OXNAD1: variants seen among roughly 807,000 people sequenced by gnomAD.
The protein encoded by OXNAD1 is oxidoreductase NAD-binding domain-containing protein 1.
In OXNAD1, 34 loss-of-function variants were observed where a neutral mutation model predicts 32.9. The ratio of observed to expected loss-of-function variants is 1.03; its 90% CI spans 0.79 to 1.38. OXNAD1 has a LOEUF of 1.38. Ranked by LOEUF, OXNAD1 falls within the 40% of genes most tolerant of loss-of-function variation. The pLI, the probability that OXNAD1 is intolerant of heterozygous loss-of-function variation, is 0.00. For synonymous variants in OXNAD1, 134 were observed against 135.2 expected, an observed-to-expected ratio of 0.99 and a Z score of 0.06; for missense variants, 407 against 379.4, an observed-to-expected ratio of 1.07 and a Z score of -0.60.
chr3:16,267,604 C>G (rs1387123992), intron 1 of OXNAD1, among the ~76,000 whole-genome samples: 2 of 152,190 alleles, frequency 1.3e-5, no homozygotes, highest in Admixed American at 6.5e-5. Context: ...TCATTCAGAT[C>G]TCAGCCAAGG....
In OXNAD1 at chr3:16,287,650, C is replaced by G. The variant is rs548954145; in HGVS notation, c.290+1202C>G. ...AAGCACTGTCTCCGTGCCTTCAACT[C>G]TGAATCCTGCCAAGACTCAGACCCA... is the stretch of plus-strand genomic sequence containing the variant. On this transcript the variant is annotated intron_variant, in intron 5 of 8. Coordinates refer to ENST00000285083, the MANE Select transcript of OXNAD1 (RefSeq NM_138381.5). The surrounding 1 kb of genome is among the most constrained non-coding windows in gnomAD (Gnocchi z 4.8). Among the ~76,000 whole-genome samples the G allele has an allele frequency of 7.9e-5, 12 of 152,340 alleles. No individual in the cohort carries two copies. The East Asian group carries it at 2.3e-3, about 29-fold the overall frequency.
intron 4 of OXNAD1, among the ~76,000 whole-genome samples, chr3:16,274,184 A>C (rs1321041015): frequency 7.1e-5 from 10 of 141,432 alleles, no homozygotes; most frequent in Non-Finnish European, 1.4e-4. Flanking sequence ...AAAAAAAAAA[A>C]CAAAAGATAT....
In OXNAD1 at chr3:16,305,180, G is replaced by A. The variant is rs2067463754; in HGVS notation, c.*1618G>A. ...TTATCAAGGGGCACGTCTACTAACT[G>A]GTGAAGGCAGTCTGCGGGGGAGGAC... On this transcript the variant is annotated 3_prime_UTR_variant, in exon 9 of 9. Coordinates refer to ENST00000285083, the MANE Select transcript of OXNAD1 (RefSeq NM_138381.5). This position sits in a 1 kb window ranked among gnomAD's most constrained non-coding sequence, Gnocchi z 4.5. 1 of 152,354 alleles carries A rather than the reference G, an allele frequency of 6.6e-6. No individual in the cohort carries two copies. Among genetic ancestry groups the A allele is most frequent in the African/African-American group, 2.4e-5 (1 of 41,456 alleles). 9.4% of individuals were successfully genotyped at this position (152,354 alleles called of 1,614,324 possible).
At chr3:16,279,584 A>C (rs1431059740) in intron 4 of OXNAD1, among the ~76,000 whole-genome samples, 2 of 151,894 alleles carry the variant, frequency 1.3e-5, no homozygotes, top group Non-Finnish European at 2.9e-5. Flanking sequence ...GGAATGTGTC[A>C]ACAGTTAGAG....
rs892561010 is a variant in OXNAD1, at chr3:16,282,513, G to A, written c.184-3829G>A. Among the ~76,000 whole-genome samples, 7 of 152,162 alleles carry A rather than the reference G, an allele frequency of 4.6e-5. No individual in the cohort carries two copies. The South Asian group carries it at 6.2e-4, about 14-fold the overall frequency. On this transcript the variant is annotated intron_variant, in intron 4 of 8. Transcript: ENST00000285083. ...TTGGGCCCTGTGCTTCATCTAGGGA[G>A]TTGACTTATACATGCTGAATATGGT...
rs1488019447 is a variant in OXNAD1, at chr3:16,345,786, CTCTGTGTG to C, written c.*31-3388_*31-3381del. ...CATGAGCCAAAACCTTATAATAAAT[CTCTGTGTG>C]TGTGTGTGTGTGTGTGTGTGTGTGC... On this transcript the variant is annotated intron_variant, in intron 9 of 9. Transcript: ENST00000606098. This position sits in a 1 kb window ranked among gnomAD's most constrained non-coding sequence, Gnocchi z 5.2. Among the ~76,000 whole-genome samples, 1 of 81,556 alleles carries C rather than the reference CTCTGTGTG, an allele frequency of 1.2e-5. No homozygotes were observed. The highest frequency in any genetic ancestry group is 5.4e-5 in the African/African-American group (1 of 18,508). The allele number at this position is 81,556 out of a possible 152,430, so 53.5% of individuals were successfully genotyped here.
chr3:16,276,386 C>A, intron 4 of OXNAD1: 1 of 191,200 alleles, frequency 5.2e-6, no homozygotes. Context: ...TGTCTTCAGG[C>A]AGAGGAAAAA....
intron 4 of OXNAD1, among the ~76,000 whole-genome samples, chr3:16,281,260 G>C (rs1034861411): frequency 1.3e-5 from 2 of 152,004 alleles, no homozygotes; most frequent in African/African-American, 4.8e-5. Flanking sequence ...AATTGTGCAG[G>C]GTATTTTATG....
chr3:16,274,906 T>C (rs1364277932), intron 4 of OXNAD1, among the ~76,000 whole-genome samples: 2 of 152,244 alleles, frequency 1.3e-5, no homozygotes, highest in African/African-American at 4.8e-5. Flanking sequence ...AAAATGAGCA[T>C]TTTAAGAACA....
At chr3:16,350,270 CATT>C (rs2072004583) in exon 10 of OXNAD1, 1 of 152,178 alleles carries the variant, frequency 6.6e-6, no homozygotes, top group African/African-American at 2.4e-5. Flanking sequence ...TGGACATGAA[CATT>C]ATTACCTTTT....
Position 16,329,342 on chromosome 3 carries a change from AGAAAGG to A in OXNAD1, c.*31-7758_*31-7753del, listed in dbSNP as rs76482250. 0.17 allele frequency among the ~76,000 whole-genome samples: 25,394 copies of A among 151,982 alleles called. 2,217 individuals are homozygous for A. Among genetic ancestry groups the A allele is most frequent in the Middle Eastern group, 0.27 (78 of 290 alleles). ...GTGGACCGAGACAGGGCGGAAGTGGAGAAAGGGAAAGGGAAAGAGGAAACTTAATAA... is the reference window on the plus strand; with the variant it reads ...GTGGACCGAGACAGGGCGGAAGTGGAGAAAGGGAAAGAGGAAACTTAATAA... On this transcript the variant is annotated intron_variant, in intron 9 of 9. Coordinates refer to the OXNAD1 transcript ENST00000435829. This position sits in a 1 kb window ranked among gnomAD's most constrained non-coding sequence, Gnocchi z 4.5.
At chr3:16,275,096 A>T in intron 4 of OXNAD1, 1 of 164,048 alleles carries the variant, frequency 6.1e-6, no homozygotes, top group East Asian at 1.6e-4. Flanking sequence ...ACAGTTTTTT[A>T]TCATCTGACA....
In OXNAD1 at chr3:16,321,600, G is replaced by A. The variant is rs564563399; in HGVS notation, c.*31-15512G>A. Among the ~76,000 whole-genome samples the A allele has an allele frequency of 6.6e-6, 1 of 152,170 alleles. No homozygotes were observed. Among genetic ancestry groups the A allele is most frequent in the East Asian group, 1.9e-4 (1 of 5,194 alleles). ...TCTGGCTGTGAAGCCCCCCTCTCTG[G>A]AGGACTCCCATCTGTGAGGTGACCC... On this transcript the variant is annotated intron_variant, in intron 9 of 9. Coordinates refer to the OXNAD1 transcript ENST00000435829. The surrounding 1 kb of genome is among the most constrained non-coding windows in gnomAD (Gnocchi z 4.8).
chr3:16,345,788 CTGTG>C lies in OXNAD1; in HGVS notation c.*31-3361_*31-3358del, dbSNP rs370820242. The stretch of plus-strand genomic sequence containing the variant: ...TGAGCCAAAACCTTATAATAAATCT[CTGTG>C]TGTGTGTGTGTGTGTGTGTGTGTGT... On this transcript the variant is annotated intron_variant, in intron 9 of 9. Transcript: ENST00000606098. This position sits in a 1 kb window ranked among gnomAD's most constrained non-coding sequence, Gnocchi z 5.2. Among the ~76,000 whole-genome samples, 6,871 of 127,208 alleles carry C rather than the reference CTGTG, an allele frequency of 0.054. 220 individuals carry two copies. The highest frequency in any genetic ancestry group is 0.08 in the Middle Eastern group (19 of 238). 83.5% of individuals were successfully genotyped at this position (127,208 alleles called of 152,430 possible).
At chr3:16,286,721 C>G (rs1021929318) in intron 5 of OXNAD1, among the ~76,000 whole-genome samples, 1 of 152,188 alleles carries the variant, frequency 6.6e-6, no homozygotes, top group African/African-American at 2.4e-5. Flanking sequence ...AGTTCTGGCC[C>G]ATGGAACTGA....
downstream of OXNAD1, among the ~76,000 whole-genome samples, chr3:16,311,011 A>AAAAAAAAG (rs1472119686): frequency 0.012 from 1,575 of 136,062 alleles, 77 homozygotes; most frequent in African/African-American, 0.046. Context: ...AAAAAAAAAA[A>AAAAAAAAG]AAATCATCTG....
At chr3:16,326,963 G>T (rs1411769449) in intron 9 of OXNAD1, 3 of 972,292 alleles carry the variant, frequency 3.1e-6, no homozygotes, top group Non-Finnish European at 4.7e-6. Flanking sequence ...CTGCCAATCC[G>T]CAAAACAGAA....
chr3:16,312,221 C>G lies in OXNAD1; in HGVS notation c.*30+8629C>G, dbSNP rs1267944230. Among the ~76,000 whole-genome samples the G allele has an allele frequency of 2.0e-5, 3 of 152,168 alleles. No individual in the cohort carries two copies. The highest frequency in any genetic ancestry group is 4.4e-5 in the Non-Finnish European group (3 of 68,036). ...AGCCAAAGGCTCATTGGGTCTTGTC[C>G]TTAGATCTCATGTCCACACACTTCC... On this transcript the variant is annotated intron_variant, in intron 9 of 9. Transcript: ENST00000435829. This position sits in a 1 kb window ranked among gnomAD's most constrained non-coding sequence, Gnocchi z 4.7.
exon 10 of OXNAD1, chr3:16,350,009 T>C (rs2071985056): frequency 1.3e-5 from 2 of 151,932 alleles, no homozygotes; most frequent in Admixed American, 6.6e-5. Context: ...TAATGTGCTT[T>C]ACTCTTCTAC....
Sources: allele counts gnomAD v4.1 joint callset (sites outside exome capture counted in the v4.1 genomes callset), GRCh38; gene constraint gnomAD v4.1.1; non-coding constraint Gnocchi (gnomAD v3.1); transcripts MANE v1.5; gene names NCBI Gene and HGNC (gene_info 2026-07-23, HGNC 2026-07-21).